The following CNOT4 variants were observed in gnomAD, a reference collection of about 807,000 sequenced individuals.
CNOT4 encodes the protein CCR4-NOT transcription complex subunit 4.
Under a neutral mutation model 73.8 loss-of-function variants are expected in CNOT4, and 8 were observed. The ratio of observed to expected loss-of-function variants is 0.11; its 90% confidence interval spans 0.06 to 0.20. The LOEUF (loss-of-function observed/expected upper bound fraction) is 0.20. CNOT4 is among the 10% of genes least tolerant of loss of function. The pLI is 1.00. For synonymous variants in CNOT4, 293 were observed against 321.1 expected, an observed-to-expected ratio of 0.91 and a Z score of 0.94; for missense variants, 564 against 883.4, an observed-to-expected ratio of 0.64 and a Z score of 4.58.
chr7:135,468,125 A>C (rs911227040), intron 1 of CNOT4, among the ~76,000 whole-genome samples: 17 of 152,080 alleles, frequency 1.1e-4, no homozygotes, highest in Non-Finnish European at 5.9e-5. Flanking sequence ...CTGAGGCAGG[A>C]GAATGGCGTG....
At chr7:135,507,226 C>A (rs1215966988) in intron 1 of CNOT4, among the ~76,000 whole-genome samples, 1 of 152,170 alleles carries the variant, frequency 6.6e-6, no homozygotes, top group Non-Finnish European at 1.5e-5. Flanking sequence ...ACTGTCTCAT[C>A]CTAATTTTAT....
chr7:135,454,801 T>C (rs1800422733), intron 1 of CNOT4, among the ~76,000 whole-genome samples: 1 of 152,092 alleles, frequency 6.6e-6, no homozygotes, highest in Non-Finnish European at 1.5e-5. Flanking sequence ...CAAGAATCAC[T>C]TGAGCCTGGG....
chr7:135,498,619 G>C (rs1803751342), intron 1 of CNOT4, among the ~76,000 whole-genome samples: 1 of 152,138 alleles, frequency 6.6e-6, no homozygotes, highest in Non-Finnish European at 1.5e-5. Flanking sequence ...CATGGTCTTG[G>C]CTCACTGCAA....
intron 7 of CNOT4, among the ~76,000 whole-genome samples, chr7:135,401,246 A>G (rs1796984684): frequency 6.6e-6 from 1 of 152,222 alleles, no homozygotes; most frequent in Admixed American, 6.5e-5. Context: ...GGTAATATTA[A>G]TAAATTTCTT....
chr7:135,377,003 T>C (rs112276527), intron 10 of CNOT4, among the ~76,000 whole-genome samples: 5,352 of 152,278 alleles, frequency 0.035, 322 homozygotes, highest in African/African-American at 0.12. Context: ...TGGATATAGT[T>C]ATGGTGATAA....
At chr7:135,466,319 C>T (rs1801216328) in intron 1 of CNOT4, among the ~76,000 whole-genome samples, 1 of 150,998 alleles carries the variant, frequency 6.6e-6, no homozygotes, top group South Asian at 2.1e-4. Flanking sequence ...ACTAAAAATA[C>T]AAAAATTAGC....
At chr7:135,427,561 A>G (rs1428209656) in intron 2 of CNOT4, among the ~76,000 whole-genome samples, 2 of 152,208 alleles carry the variant, frequency 1.3e-5, no homozygotes, top group Non-Finnish European at 2.9e-5. Flanking sequence ...ATTCAGAATA[A>G]TTTGTAATTT....
chr7:135,389,535 G>A (rs1442715205), intron 10 of CNOT4, among the ~76,000 whole-genome samples: 1 of 151,960 alleles, frequency 6.6e-6, no homozygotes, highest in African/African-American at 2.4e-5. Context: ...CGGTTCTCCT[G>A]ATTATAACTG....
chr7:135,453,045 G>A lies in CNOT4; in HGVS notation c.-92-14622C>T, dbSNP rs75690740. Among the ~76,000 whole-genome samples the A allele has an allele frequency of 9.9e-3, 1,514 of 152,218 alleles. 10 individuals are homozygous for A. Among genetic ancestry groups the A allele is most frequent in the Middle Eastern group, 0.034 (10 of 294 alleles). On this transcript the variant is annotated intron_variant, in intron 1 of 11. Coordinates refer to ENST00000541284, the MANE Select transcript of CNOT4 (RefSeq NM_001190850.2). ...TTTGGGGGAAAAAGTATCTGATAGG[G>A]TATAACACCTTTGAAGTTTGTAAGG...
At position 135,377,359 on chromosome 7, in the gene CNOT4, C is replaced by G. The variant is rs185346865; in HGVS notation, c.1628-13293G>C. 9.3e-4 allele frequency among the ~76,000 whole-genome samples: 142 copies of G among 152,172 alleles called. 2 individuals are homozygous for G. The highest frequency in any genetic ancestry group is 3.4e-3 in the Middle Eastern group (1 of 294). Reference sequence around the variant, plus strand: ...TCATCCACTGTAACATATGTTCCACCCTGGTTGGGGGTGCTGATAATGGAG... The same window carrying G: ...TCATCCACTGTAACATATGTTCCACGCTGGTTGGGGGTGCTGATAATGGAG... On this transcript the variant is annotated intron_variant, in intron 10 of 11. Transcript: ENST00000541284.
intron 1 of CNOT4, among the ~76,000 whole-genome samples, chr7:135,442,930 G>T (rs1170419367): frequency 6.6e-6 from 1 of 151,928 alleles, no homozygotes; most frequent in African/African-American, 2.4e-5. Flanking sequence ...ATGGTGTTGT[G>T]TGCCTGTGGT....
intron 10 of CNOT4, among the ~76,000 whole-genome samples, chr7:135,370,591 G>A (rs1301048252): frequency 6.6e-6 from 1 of 152,208 alleles, no homozygotes; most frequent in Non-Finnish European, 1.5e-5. Context: ...CAACTCCGCT[G>A]AAAAGCCTGA....
chr7:135,429,382 C>T (rs1798690517), intron 2 of CNOT4, among the ~76,000 whole-genome samples: 1 of 152,144 alleles, frequency 6.6e-6, no homozygotes, highest in Non-Finnish European at 1.5e-5. Flanking sequence ...CCCCCATTTT[C>T]CCTCCTCCTC....
chr7:135,485,159 G>A (rs1341216654), intron 1 of CNOT4, among the ~76,000 whole-genome samples: 1 of 152,100 alleles, frequency 6.6e-6, no homozygotes, highest in African/African-American at 2.4e-5. Context: ...TGCAACCTCT[G>A]CCTCCCGGAT....
intron 1 of CNOT4, among the ~76,000 whole-genome samples, chr7:135,502,249 G>C (rs1804025122): frequency 6.6e-6 from 1 of 152,126 alleles, no homozygotes; most frequent in Non-Finnish European, 1.5e-5. Context: ...CGTACATAAT[G>C]TTCTCCTTCT....
At chr7:135,456,046 A>T (rs961598133) in intron 1 of CNOT4, among the ~76,000 whole-genome samples, 1 of 152,236 alleles carries the variant, frequency 6.6e-6, no homozygotes. Flanking sequence ...GACATTAGGA[A>T]ACATTTTTGT....
At chr7:135,465,004 T>C (rs1011353815) in intron 1 of CNOT4, among the ~76,000 whole-genome samples, 20 of 152,246 alleles carry the variant, frequency 1.3e-4, no homozygotes, top group African/African-American at 4.8e-4. Flanking sequence ...CTTTTTTGTA[T>C]ACATACTATT....
chr7:135,440,025 T>C (rs1333584053), intron 1 of CNOT4, among the ~76,000 whole-genome samples: 12 of 151,470 alleles, frequency 7.9e-5, no homozygotes, highest in Middle Eastern at 3.5e-3. Flanking sequence ...TCTTGGGATA[T>C]AGAAGGTCTT....
chr7:135,365,553 C>T (rs1794870412), intron 10 of CNOT4, among the ~76,000 whole-genome samples: 1 of 151,956 alleles, frequency 6.6e-6, no homozygotes, highest in Admixed American at 6.6e-5. Context: ...GGAATAATTT[C>T]CCCAAGTTCA....
Sources: gnomAD v4.1 joint callset for allele counts (sites outside exome capture counted in the v4.1 genomes callset) on GRCh38, gnomAD v4.1.1 for gene constraint, MANE v1.5 for transcripts, NCBI Gene and HGNC (gene_info 2026-07-23, HGNC 2026-07-21) for gene names.